The following TOX4 variants were observed in gnomAD, a reference collection of about 807,000 sequenced individuals.
The protein encoded by TOX4 is epidermal Langerhans cell protein LCP1.
A neutral mutation model predicts 61.0 loss-of-function variants in TOX4; 12 were observed. The observed-to-expected ratio is 0.20, with a 90% CI of 0.13 to 0.32. TOX4 has a LOEUF of 0.32. Among genes scored for constraint, TOX4 ranks in the 10% least tolerant of loss-of-function variants. TOX4 has a pLI of 1.00. For synonymous variants in TOX4, 268 were observed against 274.8 expected (o/e 0.98, Z 0.24); for missense variants, 499 against 753.3 (o/e 0.66, Z 3.95).
At chr14:21,478,636 G>A (rs1185212972) in intron 2 of TOX4, among the ~76,000 whole-genome samples, 2 of 152,134 alleles carry the variant, frequency 1.3e-5, no homozygotes, top group Non-Finnish European at 2.9e-5. Context: ...TGAACCATCT[G>A]CCATTTTTTG....
intron 2 of TOX4, among the ~76,000 whole-genome samples, chr14:21,480,524 G>A (rs1455882631): frequency 6.6e-6 from 1 of 151,726 alleles, no homozygotes; most frequent in African/African-American, 2.4e-5. Context: ...GTAGGTAAAG[G>A]TAATATTAAA....
intron 5 of TOX4, among the ~76,000 whole-genome samples, chr14:21,490,620 A>G (rs937565472): frequency 2.0e-5 from 3 of 152,164 alleles, no homozygotes; most frequent in Non-Finnish European, 2.9e-5. Flanking sequence ...GTTGAGACAC[A>G]ATCCAGGTTC....
chr14:21,478,930 A>G (rs1891060405), intron 2 of TOX4, among the ~76,000 whole-genome samples: 1 of 151,218 alleles, frequency 6.6e-6, no homozygotes, highest in Admixed American at 6.6e-5. Flanking sequence ...CAACCTCCCA[A>G]GTAGCTGGGA....
intron 3 of TOX4, 60 bp from the exon 4 acceptor site, chr14:21,488,529 TA>T (rs2139624421): frequency 6.5e-7 from 1 of 1,538,092 alleles, no homozygotes; most frequent in Non-Finnish European, 8.9e-7. Flanking sequence ...GTCTTAAATT[TA>T]GGGGGGAAAA....
At chr14:21,494,024 C>T (rs1430817513) in intron 7 of TOX4, among the ~76,000 whole-genome samples, 1 of 152,124 alleles carries the variant, frequency 6.6e-6, no homozygotes, top group Non-Finnish European at 1.5e-5. Flanking sequence ...GCAGGGATTA[C>T]AGGCGTGAGC....
intron 7 of TOX4, among the ~76,000 whole-genome samples, chr14:21,494,637 C>T (rs1891361568): frequency 6.6e-6 from 1 of 152,020 alleles, no homozygotes; most frequent in South Asian, 2.1e-4. Flanking sequence ...GTAGTCCCAG[C>T]TACTCTGGAG....
At chr14:21,495,851 A>G (rs1891388186) in intron 8 of TOX4, 1 of 153,048 alleles carries the variant, frequency 6.5e-6, no homozygotes, top group South Asian at 2.0e-4. Context: ...GCTGTAGGAC[A>G]AGGCATTTCT....
At position 21,493,029 on chromosome 14, in the gene TOX4, C is replaced by T. The variant is rs769567986; in HGVS notation, c.1413C>T (p.Ala471=). The T allele has an allele frequency of 6.2e-7, 1 of 1,613,774 alleles. No homozygotes were observed. Among genetic ancestry groups the T allele is most frequent in the African/African-American group, 1.3e-5 (1 of 75,006 alleles). The part of the protein sequence containing the change: ...TILQQPPPLQ[A]MQQPPPQKVR... ...TGCAGCAGCCTCCTCCACTCCAGGC[C>T]ATGCAACAGCCTCCACCTCAGAAAG... The change falls in exon 7 of 9, where the codon GCC becomes GCT. Residue 471 remains alanine (A), a synonymous_variant. Coordinates refer to ENST00000448790, the MANE Select transcript of TOX4 (RefSeq NM_014828.4).
At chr14:21,493,506 ATC>A (rs1891339103) in intron 7 of TOX4, among the ~76,000 whole-genome samples, 1 of 151,986 alleles carries the variant, frequency 6.6e-6, no homozygotes, top group Non-Finnish European at 1.5e-5. Flanking sequence ...CAATGGTGCG[ATC>A]TCGGCTCACT....
At position 21,488,951 on chromosome 14, in the gene TOX4, C is replaced by T. The variant is rs1187166649; in HGVS notation, c.579+101C>T. ...GTATTCTTTACCCTTGCCGTGCCAT[C>T]TCCTCTGCTGTTTTCTGGGTATGGG... On this transcript the variant is annotated intron_variant, in intron 4 of 8. Coordinates refer to ENST00000448790, the MANE Select transcript of TOX4 (RefSeq NM_014828.4). 13 of 1,507,172 alleles carry T rather than the reference C, an allele frequency of 8.6e-6. No individual in the cohort carries two copies. In the East Asian group the frequency reaches 2.5e-4, roughly 29 times the overall value. The allele number at this position is 1,507,172 out of a possible 1,614,324, so 93.4% of individuals were successfully genotyped here.
Position 21,488,747 on chromosome 14 carries a change from G to C in TOX4, c.476G>C (p.Gly159Ala), listed in dbSNP as rs200201699. Reference protein sequence around the residue: ...LSSQLGLSLGGGTILPPAQSP... With the variant: ...LSSQLGLSLGAGTILPPAQSP... Reference sequence around the variant, plus strand: ...TCCCAGCTGGGTTTGAGCCTAGGGGGTGGCACCATCCTGCCACCTGCCCAG... The same window carrying C: ...TCCCAGCTGGGTTTGAGCCTAGGGGCTGGCACCATCCTGCCACCTGCCCAG... Residue 159 changes from glycine to alanine, a missense_variant, in exon 4 of 9, where the codon GGT becomes GCT. Physicochemically the swap from Gly to Ala is moderately conservative, Grantham distance 60 (BLOSUM62 0). This residue lies in a region of TOX4 where 61 missense variants were observed against 76.1 expected (regional missense o/e 0.80). Transcript: ENST00000448790. 28 of 1,614,204 alleles carry C rather than the reference G, an allele frequency of 1.7e-5. No homozygotes were observed. In the East Asian group the frequency reaches 6.2e-4, roughly 36 times the overall value.
intron 2 of TOX4, among the ~76,000 whole-genome samples, chr14:21,478,505 T>C (rs66657711): frequency 0.074 from 9,112 of 123,104 alleles, 355 homozygotes; most frequent in East Asian, 0.15. Flanking sequence ...AACCCTGAAG[T>C]GTTCGTTAAA....
Position 21,477,544 on chromosome 14 carries a change from C to T in TOX4, c.55C>T (p.Pro19Ser), listed in dbSNP as rs766956702. ...NYLTITGPSHPFLSGAETFHT... is the reference protein window; with the variant it reads ...NYLTITGPSHSFLSGAETFHT... ...CCTGACGATCACAGGGCCTTCGCAC[C>T]CCTTCCTGTCAGGGGCCGAGGTGAG... is the stretch of plus-strand genomic sequence containing the variant. Residue 19 changes from proline to serine, a missense_variant, in exon 2 of 9, where the codon CCC (proline) becomes TCC (serine). Around this residue, in one of 7 missense-constraint regions of TOX4, gnomAD observed 22 missense variants for 22.5 expected, o/e 0.98. Transcript: ENST00000448790. 6.2e-7 allele frequency: 1 copy of T among 1,613,756 alleles called. No individual in the cohort carries two copies. Among genetic ancestry groups the T allele is most frequent in the Non-Finnish European group, 8.5e-7 (1 of 1,180,050 alleles).
intron 5 of TOX4, among the ~76,000 whole-genome samples, chr14:21,489,683 A>T (rs1891251996): frequency 1.3e-5 from 2 of 151,718 alleles, no homozygotes; most frequent in South Asian, 4.2e-4. Flanking sequence ...GGTTCACGCC[A>T]TTCTCCTGCT....
chr14:21,498,974 A>T lies in TOX4; in HGVS notation c.*2368A>T. 1 of 1,275,264 alleles carries T rather than the reference A, an allele frequency of 7.8e-7. No individual in the cohort carries two copies. The highest frequency in any genetic ancestry group is 1.1e-6 in the Non-Finnish European group (1 of 871,896). The allele number at this position is 1,275,264 out of a possible 1,614,324, so 79.0% of individuals were successfully genotyped here. On this transcript the variant is annotated 3_prime_UTR_variant, in exon 9 of 9. Coordinates refer to ENST00000448790, the MANE Select transcript of TOX4 (RefSeq NM_014828.4). ...TGAAGCTCTACTAAGTTCTGTCCTT[A>T]ATCATAAATAATAGCCCCTTGAGGA... is the stretch of plus-strand genomic sequence containing the variant.
rs1425891723 is a variant in TOX4, at chr14:21,492,591, A to G, written c.975A>G (p.Ala325=). Residue 325 remains alanine, a synonymous_variant, in exon 7 of 9, where the codon GCA becomes GCG. Coordinates refer to ENST00000448790, the MANE Select transcript of TOX4 (RefSeq NM_014828.4). ...SPPPMATVDP[A]SPAPASIEPP... Reference sequence around the variant, plus strand: ...CTCCTATGGCTACTGTTGACCCAGCATCTCCAGCACCAGCTTCAATAGAGC... The same window carrying G: ...CTCCTATGGCTACTGTTGACCCAGCGTCTCCAGCACCAGCTTCAATAGAGC... 1 of 1,613,746 alleles carries G rather than the reference A, an allele frequency of 6.2e-7. No homozygotes were observed.
At position 21,492,869 on chromosome 14, in the gene TOX4, T is replaced by C. The variant is rs1891321818; in HGVS notation, c.1253T>C (p.Ile418Thr). ...ATCCAGCCCAGTCAACAAGCCCAGATTGTCACTCGGTCAGTGTTGCAGGCA... is the reference window on the plus strand; with the variant it reads ...ATCCAGCCCAGTCAACAAGCCCAGACTGTCACTCGGTCAGTGTTGCAGGCA... ...ATIQPSQQAQ[I>T]VTRSVLQAAA... Residue 418 changes from isoleucine (I) to threonine (T), a missense_variant, in exon 7 of 9, where the codon ATT (isoleucine) becomes ACT (threonine). Ile to Thr is a moderately conservative substitution (Grantham distance 89). Coordinates refer to ENST00000448790, the MANE Select transcript of TOX4 (RefSeq NM_014828.4). 2 of 1,612,922 alleles carry C rather than the reference T, an allele frequency of 1.2e-6. No individual in the cohort carries two copies. Among genetic ancestry groups the C allele is most frequent in the Non-Finnish European group, 1.7e-6 (2 of 1,179,612 alleles).
rs1891211482 is a variant in TOX4 at position 21,487,677 on chromosome 14, G to C, written c.302G>C (p.Ser101Thr). The change falls in exon 3 of 9, where the codon AGT becomes ACT. Residue 101 changes from serine (S) to threonine (T), a missense_variant. Transcript: ENST00000448790. ...GLMEQGGGLL[S>T]GGLTMDLDHS... The stretch of plus-strand genomic sequence containing the variant: ...ATGGAGCAGGGCGGGGGGCTCCTGA[G>C]TGGGGGCTTGACCATGGTAAGGGGC... 1 of 1,612,538 alleles carries C rather than the reference G, an allele frequency of 6.2e-7. No individual in the cohort carries two copies. The highest frequency in any genetic ancestry group is 1.3e-5 in the African/African-American group (1 of 75,000).
intron 7 of TOX4, among the ~76,000 whole-genome samples, chr14:21,494,412 C>G (rs999445855): frequency 3.3e-5 from 5 of 151,642 alleles, no homozygotes; most frequent in African/African-American, 1.2e-4. Flanking sequence ...TCAGGACCAG[C>G]CTGGCCAACA....
Sources: gnomAD v4.1 joint callset for allele counts (sites outside exome capture counted in the v4.1 genomes callset) on GRCh38, gnomAD v4.1.1 for gene constraint, gnomAD v4.1.1 regional missense constraint, MANE v1.5 for transcripts, NCBI Gene and HGNC (gene_info 2026-07-23, HGNC 2026-07-21) for gene names.